The following PCDH9 variants were observed in gnomAD, a reference collection of about 807,000 sequenced individuals.
PCDH9 encodes the protein protocadherin 9, also known as protocadherin-9.
PCDH9 carries 24 observed loss-of-function variants against 70.6 expected under a neutral mutation model. The observed-to-expected ratio is 0.34, with a 90% CI of 0.25 to 0.48. The LOEUF is 0.48. Among genes scored for constraint, PCDH9 ranks in the 20% least tolerant of loss-of-function variants. The probability of loss-of-function intolerance (pLI) is 0.99; values close to 1 mark genes in which losing one functional copy is unlikely to be tolerated. For synonymous variants in PCDH9, 562 were observed against 558.5 expected (o/e 1.01, Z -0.09); for missense variants, 1,281 against 1,503.6 (o/e 0.85, Z 2.45).
chr13:67,056,888 G>T (rs542551625), intron 2 of PCDH9, among the ~76,000 whole-genome samples: 2 of 152,122 alleles, frequency 1.3e-5, no homozygotes, highest in South Asian at 4.2e-4. Context: ...TTTTAAGATA[G>T]CACTGATAAT....
intron 2 of PCDH9, among the ~76,000 whole-genome samples, chr13:67,037,238 A>C (rs945128687): frequency 3.9e-5 from 6 of 152,146 alleles, no homozygotes; most frequent in African/African-American, 1.4e-4. Context: ...TGGGCTAAGT[A>C]GTGTTGGAAC....
chr13:66,759,691 T>G (rs1302696355), intron 3 of PCDH9, among the ~76,000 whole-genome samples: 1 of 144,578 alleles, frequency 6.9e-6, no homozygotes, highest in Non-Finnish European at 1.5e-5. Context: ...CCATGAGGCT[T>G]ATAAAAACAT....
intron 3 of PCDH9, among the ~76,000 whole-genome samples, chr13:66,871,315 C>A (rs895010888): frequency 6.6e-6 from 1 of 151,146 alleles, no homozygotes; most frequent in Non-Finnish European, 1.5e-5. Context: ...GTGCAGCACA[C>A]CAGCATGGCA....
intron 2 of PCDH9, among the ~76,000 whole-genome samples, chr13:67,096,208 G>C (rs1182641704): frequency 6.6e-6 from 1 of 152,096 alleles, no homozygotes; most frequent in East Asian, 1.9e-4. Context: ...GTATGTGTTG[G>C]GGGTAGTGTT....
intron 3 of PCDH9, among the ~76,000 whole-genome samples, chr13:66,809,238 G>A (rs1411634666): frequency 4.6e-5 from 7 of 152,102 alleles, no homozygotes; most frequent in African/African-American, 1.4e-4. Flanking sequence ...ATGAGCCACC[G>A]CGCCAGGCCT....
At chr13:66,592,602 T>C (rs2077052126) in intron 4 of PCDH9, among the ~76,000 whole-genome samples, 1 of 151,790 alleles carries the variant, frequency 6.6e-6, no homozygotes. Context: ...ATTCCATGAA[T>C]TGAGGATTTT....
intron 4 of PCDH9, among the ~76,000 whole-genome samples, chr13:66,575,145 C>A (rs192732379): frequency 2.6e-5 from 4 of 151,838 alleles, no homozygotes; most frequent in Non-Finnish European, 5.9e-5. Context: ...TGCACTCCAG[C>A]CAGGGTGACA....
At chr13:66,918,773 A>G (rs1226176264) in intron 2 of PCDH9, among the ~76,000 whole-genome samples, 1 of 151,266 alleles carries the variant, frequency 6.6e-6, no homozygotes, top group East Asian at 1.9e-4. Context: ...TCTTTTGTAA[A>G]AGATTTATGA....
chr13:66,971,415 C>T (rs931216665), intron 2 of PCDH9, among the ~76,000 whole-genome samples: 3 of 152,026 alleles, frequency 2.0e-5, no homozygotes, highest in Admixed American at 6.6e-5. Context: ...TTTTAAAAAT[C>T]GCATTTTCCT....
chr13:67,208,442 T>A (rs1450884762), intron 2 of PCDH9: 1 of 152,130 alleles, frequency 6.6e-6, no homozygotes, highest in Non-Finnish European at 1.5e-5. Context: ...GACATATTAA[T>A]GTCACTTAGT....
intron 2 of PCDH9, among the ~76,000 whole-genome samples, chr13:67,163,227 T>C (rs918073159): frequency 1.3e-5 from 2 of 152,226 alleles, no homozygotes; most frequent in Non-Finnish European, 2.9e-5. Context: ...AAGACTCTTG[T>C]TCCCAATTAA....
At chr13:66,405,250 T>G (rs1000749588) in intron 4 of PCDH9, among the ~76,000 whole-genome samples, 1 of 152,178 alleles carries the variant, frequency 6.6e-6, no homozygotes, top group African/African-American at 2.4e-5. Context: ...TCTTTATTAT[T>G]CTCATATAAA....
intron 3 of PCDH9, among the ~76,000 whole-genome samples, chr13:66,678,193 C>T (rs1326702562): frequency 6.6e-6 from 1 of 152,024 alleles, no homozygotes; most frequent in Non-Finnish European, 1.5e-5. Flanking sequence ...CAAACATTGG[C>T]CTTAGCTTTC....
intron 4 of PCDH9, among the ~76,000 whole-genome samples, chr13:66,539,460 C>G (rs1960851534): frequency 6.6e-6 from 1 of 152,020 alleles, no homozygotes; most frequent in South Asian, 2.1e-4. Flanking sequence ...GGCCTTTCCC[C>G]CTTTTGCTTT....
At chr13:66,554,954 G>C (rs1961662181) in intron 4 of PCDH9, among the ~76,000 whole-genome samples, 1 of 152,140 alleles carries the variant, frequency 6.6e-6, no homozygotes, top group Non-Finnish European at 1.5e-5. Flanking sequence ...CAGACCACCT[G>C]AGGTTGGGAG....
At chr13:66,685,954 G>A (rs945904116) in intron 3 of PCDH9, among the ~76,000 whole-genome samples, 2 of 152,190 alleles carry the variant, frequency 1.3e-5, no homozygotes, top group African/African-American at 4.8e-5. Context: ...CAGGCTTATA[G>A]GTGGAAGGGA....
At position 67,198,717 on chromosome 13, in the gene PCDH9, T is replaced by C. The variant is rs189996702; in HGVS notation, c.3036+26688A>G. On this transcript the variant is annotated intron_variant, in intron 2 of 4. Transcript: ENST00000377865. The stretch of plus-strand genomic sequence containing the variant: ...ATGTGATACAAAAAAGCTAAAATAA[T>C]GATTCATTTAAACTAACTTGATAAT... Among the ~76,000 whole-genome samples the C allele has an allele frequency of 5.3e-5, 8 of 152,064 alleles. No individual in the cohort carries two copies. In the East Asian group the frequency reaches 1.4e-3, roughly 26 times the overall value.
In PCDH9 at chr13:66,652,678, G is replaced by A. The variant is rs573491086; in HGVS notation, c.3139-21267C>T. Among the ~76,000 whole-genome samples the A allele has an allele frequency of 3.6e-4, 54 of 151,694 alleles. 1 individual carries two copies. The highest frequency in any genetic ancestry group is 1.3e-3 in the African/African-American group (54 of 41,424). On this transcript the variant is annotated intron_variant, in intron 3 of 4. Transcript: ENST00000377865. The stretch of plus-strand genomic sequence containing the variant: ...ACCACAAATTACCCAAACCAATCCT[G>A]AGCAAAAATAAGAAAACTGGAGGAA...
chr13:66,717,603 A>G (rs1212236691), intron 3 of PCDH9, among the ~76,000 whole-genome samples: 2 of 151,090 alleles, frequency 1.3e-5, no homozygotes, highest in African/African-American at 4.9e-5. Context: ...TGTATATACA[A>G]TCTGCTCTTT....
Sources: gnomAD v4.1 joint callset for allele counts (sites outside exome capture counted in the v4.1 genomes callset) on GRCh38, gnomAD v4.1.1 for gene constraint, MANE v1.5 for transcripts, NCBI Gene and HGNC (gene_info 2026-07-23, HGNC 2026-07-21) for gene names.